CLASP1: variants seen among roughly 807,000 people sequenced by gnomAD.
The protein encoded by CLASP1 is CLIP-associating protein 1.
Under a neutral mutation model 192.3 loss-of-function variants are expected in CLASP1, and 38 were observed. The observed-to-expected ratio is 0.20, with a 90% CI of 0.15 to 0.26. The LOEUF is 0.26. CLASP1 is among the 10% of genes least tolerant of loss of function. The pLI, the probability that CLASP1 is intolerant of heterozygous loss-of-function variation, is 1.00. For synonymous variants in CLASP1, 691 were observed against 712.8 expected, an observed-to-expected ratio of 0.97 and a Z score of 0.49; for missense variants, 1,433 against 1,932.5, an observed-to-expected ratio of 0.74 and a Z score of 4.85.
At chr2:121,641,957 G>C (rs905349581) in intron 1 of CLASP1, among the ~76,000 whole-genome samples, 1 of 151,870 alleles carries the variant, frequency 6.6e-6, no homozygotes, top group Non-Finnish European at 1.5e-5. Context: ...CCAGGAGTTC[G>C]AGTAGCCTAG....
chr2:121,367,671 G>A (rs1241704766), exon 35 of CLASP1: 9 of 1,614,042 alleles, frequency 5.6e-6, no homozygotes, highest in Non-Finnish European at 1.7e-6. Context: ...ATCTGAGTAG[G>A]GGTACGGGTT....
intron 7 of CLASP1, among the ~76,000 whole-genome samples, chr2:121,509,327 T>C (rs2094041612): frequency 6.6e-6 from 1 of 152,096 alleles, no homozygotes; most frequent in African/African-American, 2.4e-5. Flanking sequence ...AGGCACACGC[T>C]ACCACACCCA....
intron 28 of CLASP1, 119 bp from the exon 30 acceptor site, chr2:121,398,519 TAATA>T (rs1315547998): frequency 2.3e-5 from 15 of 662,250 alleles, no homozygotes; most frequent in South Asian, 2.2e-4. Context: ...TTCACATTTT[TAATA>T]AATAGTGCTT....
intron 34 of CLASP1, among the ~76,000 whole-genome samples, chr2:121,372,582 T>C (rs2068979544): frequency 6.6e-6 from 1 of 152,254 alleles, no homozygotes; most frequent in South Asian, 2.1e-4. Flanking sequence ...AGCATCTCCT[T>C]CTAGGGTAAT....
rs2092124947 is a variant in CLASP1 at position 121,478,801 on chromosome 2, CACACACACACCCCACACACAA to C, written c.713-8862_713-8842del. Among the ~76,000 whole-genome samples, 2 of 22,880 alleles carry C rather than the reference CACACACACACCCCACACACAA, an allele frequency of 8.7e-5. 1 individual carries two copies. Among genetic ancestry groups the C allele is most frequent in the Non-Finnish European group, 2.2e-4 (2 of 9,194 alleles). The allele number at this position is 22,880 out of a possible 152,430, so 15.0% of individuals were successfully genotyped here. A position where few individuals can be genotyped will look rare whatever the true frequency, so the allele number is the denominator to read the frequency against. ...CACACACCCCACACACACCACACAC[CACACACACACCCCACACACAA>C]CCACACACCACACACCACACACACA... On this transcript the variant is annotated intron_variant, in intron 8 of 39. Coordinates refer to ENST00000263710, the Ensembl canonical transcript of CLASP1.
At chr2:121,557,357 G>A (rs1029208469) in intron 2 of CLASP1, among the ~76,000 whole-genome samples, 5 of 152,100 alleles carry the variant, frequency 3.3e-5, no homozygotes, top group East Asian at 1.9e-4. Context: ...AGGCTGAGGC[G>A]GACGGATCAC....
At chr2:121,646,581 C>T (rs956401230) in intron 1 of CLASP1, among the ~76,000 whole-genome samples, 2 of 152,114 alleles carry the variant, frequency 1.3e-5, no homozygotes, top group African/African-American at 4.8e-5. Flanking sequence ...TATTTACCAA[C>T]AGTACTACAA....
chr2:121,420,549 G>A (rs934712378), intron 22 of CLASP1, among the ~76,000 whole-genome samples: 4 of 152,138 alleles, frequency 2.6e-5, no homozygotes, highest in South Asian at 2.1e-4. Context: ...TTAGGAAAAC[G>A]AGGAAAAAGA....
chr2:121,351,357 C>T (rs1398478116), intron 37 of CLASP1, among the ~76,000 whole-genome samples: 1 of 152,208 alleles, frequency 6.6e-6, no homozygotes, highest in African/African-American at 2.4e-5. Context: ...CTTTGTATTT[C>T]TGGTGGCATT....
At chr2:121,404,477 T>C (rs1559057887) in intron 25 of CLASP1, 43 bp from the exon 27 acceptor site, 1 of 1,539,224 alleles carries the variant, frequency 6.5e-7, no homozygotes, top group South Asian at 1.2e-5. Flanking sequence ...ACTACTTTTA[T>C]TATTTTTGAG....
At position 121,362,319 on chromosome 2, in the gene CLASP1, C is replaced by T. The variant is rs1024881691; in HGVS notation, c.4206+853G>A. Among the ~76,000 whole-genome samples the T allele has an allele frequency of 2.6e-4, 39 of 152,200 alleles. 1 individual carries two copies. The highest frequency in any genetic ancestry group is 2.5e-3 in the Admixed American group (38 of 15,282). On this transcript the variant is annotated intron_variant, in intron 37 of 39. Transcript: ENST00000263710. ...CTGCCACCTCCCCATTCTCTGTAGGCTTCTAGCCACTTGAAAGCCTGGTGA... is the reference window on the plus strand; with the variant it reads ...CTGCCACCTCCCCATTCTCTGTAGGTTTCTAGCCACTTGAAAGCCTGGTGA...
intron 2 of CLASP1, among the ~76,000 whole-genome samples, chr2:121,572,099 A>G (rs1464613223): frequency 2.0e-5 from 3 of 152,180 alleles, no homozygotes; most frequent in Non-Finnish European, 4.4e-5. Flanking sequence ...GAATTAGAAG[A>G]AAAAAAGGCA....
At chr2:121,357,059 C>CT (rs1405733406) in intron 37 of CLASP1, among the ~76,000 whole-genome samples, 1 of 152,216 alleles carries the variant, frequency 6.6e-6, no homozygotes, top group Non-Finnish European at 1.5e-5. Context: ...GTATCCATCT[C>CT]TAAAAACCCA....
chr2:121,411,950 T>C (rs1032691859), intron 23 of CLASP1, among the ~76,000 whole-genome samples: 1 of 152,238 alleles, frequency 6.6e-6, no homozygotes, highest in Non-Finnish European at 1.5e-5. Context: ...ATTTTCTCTG[T>C]GTTAACAAAT....
At chr2:121,460,315 T>C (rs1323551106) in intron 11 of CLASP1, among the ~76,000 whole-genome samples, 190 bp from the exon 12 acceptor site, 1 of 152,158 alleles carries the variant, frequency 6.6e-6, no homozygotes, top group East Asian at 1.9e-4. Flanking sequence ...CAAATAAGAC[T>C]AAATAATTTT....
At chr2:121,399,091 C>CAAAT (rs1325087240) in intron 28 of CLASP1, among the ~76,000 whole-genome samples, 1 of 152,166 alleles carries the variant, frequency 6.6e-6, no homozygotes, top group Non-Finnish European at 1.5e-5. Flanking sequence ...AAATGCAAGG[C>CAAAT]AAATATCTAC....
chr2:121,356,803 A>G (rs966653569), intron 37 of CLASP1, among the ~76,000 whole-genome samples: 5 of 152,132 alleles, frequency 3.3e-5, no homozygotes, highest in Admixed American at 3.3e-4. Flanking sequence ...AACACAATGG[A>G]TATCTTCAAA....
intron 19 of CLASP1, among the ~76,000 whole-genome samples, chr2:121,439,536 G>A (rs1197995780): frequency 9.2e-5 from 14 of 151,646 alleles, no homozygotes; most frequent in Non-Finnish European, 1.8e-4. Context: ...CTTTGTTCTC[G>A]TTGGTTTCAA....
chr2:121,625,025 T>C (rs1202667698), intron 1 of CLASP1, among the ~76,000 whole-genome samples: 1 of 152,242 alleles, frequency 6.6e-6, no homozygotes, highest in Admixed American at 6.5e-5. Context: ...TCAGAGAACA[T>C]AGTATGATTT....
Sources: gnomAD v4.1 joint callset for allele counts (sites outside exome capture counted in the v4.1 genomes callset) on GRCh38, gnomAD v4.1.1 for gene constraint, MANE v1.5 for transcripts, NCBI Gene and HGNC (gene_info 2026-07-23, HGNC 2026-07-21) for gene names.